DEPTOR: variants seen among roughly 807,000 people sequenced by gnomAD.
The protein encoded by DEPTOR is DEP domain containing MTOR interacting protein.
Under a neutral mutation model 41.6 loss-of-function variants are expected in DEPTOR, and 41 were observed. The ratio of observed to expected loss-of-function variants is 0.98; its 90% confidence interval spans 0.77 to 1.28. The LOEUF is 1.28. DEPTOR is among the 50% of genes most tolerant of loss of function. The pLI, the probability that DEPTOR is intolerant of heterozygous loss-of-function variation, is 0.00. For missense variants in DEPTOR, 514 were observed against 527.9 expected (o/e 0.97, Z 0.26); for synonymous variants, 195 against 192.3 (o/e 1.01, Z -0.12).
chr8:120,032,725 C>T (rs1373444650), intron 8 of DEPTOR, among the ~76,000 whole-genome samples: 1 of 152,224 alleles, frequency 6.6e-6, no homozygotes, highest in East Asian at 1.9e-4. Context: ...CCTCTCACTA[C>T]ATTTAACCAT....
intron 4 of DEPTOR, 99 bp from the exon 5 acceptor site, chr8:120,001,426 T>G: frequency 7.3e-6 from 8 of 1,096,870 alleles, no homozygotes; most frequent in Non-Finnish European, 1.0e-5. Context: ...AAGTCTTTCT[T>G]GAGACTTTTG....
In DEPTOR at chr8:119,914,950, G is replaced by A. The variant is rs539864711; in HGVS notation, c.123-13450G>A. Among the ~76,000 whole-genome samples the A allele has an allele frequency of 2.6e-5, 4 of 152,212 alleles. No homozygotes were observed. The East Asian group carries it at 7.7e-4, about 29-fold the overall frequency. On this transcript the variant is annotated intron_variant, in intron 1 of 8. Transcript: ENST00000286234. ...GGTGTGTATTTTTTATATTCCATGA[G>A]GGGGTGGTATATTGGGCAATATTAT...
At chr8:120,007,872 T>C (rs1360190275) in intron 7 of DEPTOR, among the ~76,000 whole-genome samples, 3 of 152,208 alleles carry the variant, frequency 2.0e-5, no homozygotes, top group African/African-American at 7.2e-5. Context: ...ATCTTGAGCA[T>C]TTCCACAAAA....
At chr8:119,947,201 C>A (rs1828290800) in intron 3 of DEPTOR, among the ~76,000 whole-genome samples, 1 of 152,214 alleles carries the variant, frequency 6.6e-6, no homozygotes, top group Non-Finnish European at 1.5e-5. Context: ...GCCGCTACCT[C>A]TCCGGAGCCA....
At chr8:119,977,940 T>G (rs1290401961) in intron 4 of DEPTOR, among the ~76,000 whole-genome samples, 1 of 152,170 alleles carries the variant, frequency 6.6e-6, no homozygotes, top group Non-Finnish European at 1.5e-5. Flanking sequence ...ATTACAGGCA[T>G]GAACCACCAT....
intron 8 of DEPTOR, among the ~76,000 whole-genome samples, chr8:120,032,211 C>CTTTTTTTTTTTTTTTTTTTTTTTTTTT (rs60003356): frequency 8.3e-6 from 1 of 120,912 alleles, no homozygotes; most frequent in Non-Finnish European, 1.7e-5. Context: ...CACTAACTTT[C>CTTTTTTTTTTTTTTTTTTTTTTTTTTT]TTTTTTTTTT....
intron 8 of DEPTOR, among the ~76,000 whole-genome samples, chr8:120,026,254 A>G (rs1423447218): frequency 6.6e-6 from 1 of 152,030 alleles, no homozygotes; most frequent in Non-Finnish European, 1.5e-5. Flanking sequence ...GATGAGACAG[A>G]TGGAAAACTT....
intron 8 of DEPTOR, among the ~76,000 whole-genome samples, chr8:120,019,752 G>A (rs1315849272): frequency 6.6e-6 from 1 of 152,172 alleles, no homozygotes; most frequent in Non-Finnish European, 1.5e-5. Context: ...GGCATAACCA[G>A]CTTGTGAAAT....
chr8:119,940,067 A>G (rs72673643), intron 3 of DEPTOR, among the ~76,000 whole-genome samples: 27,535 of 151,690 alleles, frequency 0.18, 3,814 homozygotes, highest in African/African-American at 0.39. Flanking sequence ...AAAATTCAAA[A>G]TTATCCAAGC....
chr8:119,960,501 G>A (rs759680425), intron 3 of DEPTOR, among the ~76,000 whole-genome samples: 11 of 152,126 alleles, frequency 7.2e-5, no homozygotes, highest in Non-Finnish European at 1.3e-4. Flanking sequence ...GAAGAGAGAA[G>A]GGACCTTAAA....
At chr8:119,876,504 G>A (rs1827232660) in intron 1 of DEPTOR, among the ~76,000 whole-genome samples, 1 of 152,028 alleles carries the variant, frequency 6.6e-6, no homozygotes, top group South Asian at 2.1e-4. Context: ...CGGGTGTGGT[G>A]GTGCATGCTT....
intron 7 of DEPTOR, among the ~76,000 whole-genome samples, chr8:120,008,218 A>AGCCCTTGGTGGAGGGC (rs1277690531): frequency 1.3e-5 from 2 of 151,964 alleles, no homozygotes; most frequent in African/African-American, 4.8e-5. Flanking sequence ...GGCATGGTGG[A>AGCCCTTGGTGGAGGGC]GCCCTTGGTG....
intron 3 of DEPTOR, among the ~76,000 whole-genome samples, chr8:119,960,161 T>C (rs1586633474): frequency 6.6e-6 from 1 of 151,604 alleles, no homozygotes; most frequent in Admixed American, 6.6e-5. Context: ...AAGGCAGAGG[T>C]TGCAGAGAGC....
chr8:120,042,094 G>GA (rs76331772), intron 8 of DEPTOR, among the ~76,000 whole-genome samples: 101 of 146,086 alleles, frequency 6.9e-4, no homozygotes, highest in African/African-American at 1.1e-3. Context: ...TAATTATAAG[G>GA]AAAAAAAAAA....
At chr8:119,996,910 A>G (rs932918422) in intron 4 of DEPTOR, among the ~76,000 whole-genome samples, 14 of 152,192 alleles carry the variant, frequency 9.2e-5, no homozygotes, top group Admixed American at 7.9e-4. Flanking sequence ...GTTGCCAGAA[A>G]TAACTTACCT....
chr8:119,935,734 G>A lies in DEPTOR; in HGVS notation c.425+5796G>A, dbSNP rs905729680. Among the ~76,000 whole-genome samples the A allele has an allele frequency of 2.7e-5, 4 of 147,312 alleles. No homozygotes were observed. The East Asian group carries it at 5.9e-4, about 22-fold the overall frequency. On this transcript the variant is annotated intron_variant, in intron 3 of 8. Transcript: ENST00000286234. ...AGACTCCATCTCAAAAAAAAAAAAAGAAAAGAAAAGAAAAGAAAAAAGTTG... is the reference window on the plus strand; with the variant it reads ...AGACTCCATCTCAAAAAAAAAAAAAAAAAAGAAAAGAAAAGAAAAAAGTTG...
intron 1 of DEPTOR, among the ~76,000 whole-genome samples, chr8:119,927,358 A>G (rs1465915150): frequency 6.6e-6 from 1 of 152,034 alleles, no homozygotes; most frequent in African/African-American, 2.4e-5. Flanking sequence ...GTATCGATTC[A>G]TGTAATTTAA....
chr8:119,969,072 G>A (rs1765129076), intron 4 of DEPTOR, among the ~76,000 whole-genome samples: 1 of 151,324 alleles, frequency 6.6e-6, no homozygotes, highest in Non-Finnish European at 1.5e-5. Flanking sequence ...TCCAGCCTGG[G>A]CGACACAGCA....
chr8:120,017,282 C>T (rs998184158), intron 8 of DEPTOR, among the ~76,000 whole-genome samples: 2 of 152,152 alleles, frequency 1.3e-5, no homozygotes, highest in Non-Finnish European at 2.9e-5. Flanking sequence ...ATGAGGAAAC[C>T]GAGACCCAGC....
Sources: allele counts gnomAD v4.1 joint callset (sites outside exome capture counted in the v4.1 genomes callset), GRCh38; gene constraint gnomAD v4.1.1; transcripts MANE v1.5; gene names NCBI Gene and HGNC (gene_info 2026-07-23, HGNC 2026-07-21).